The following SNX3 variants were observed in gnomAD, a reference collection of about 807,000 sequenced individuals.
The protein encoded by SNX3 is sorting nexin 3.
SNX3 carries 5 observed loss-of-function variants against 17.7 expected under a neutral mutation model. That is an observed-to-expected ratio of 0.28 (90% confidence interval 0.15 to 0.59). The LOEUF (loss-of-function observed/expected upper bound fraction) is 0.59, where lower values mean the gene tolerates loss of function less well. Ranked by LOEUF, SNX3 falls within the 20% of genes least tolerant of loss-of-function variation. The pLI is 0.88. For missense variants in SNX3, 132 were observed against 206.8 expected (o/e 0.64, Z 2.22); for synonymous variants, 91 against 76.5 (o/e 1.19, Z -0.99).
Position 108,248,692 on chromosome 6 carries a change from T to C in SNX3, c.162+12068A>G, listed in dbSNP as rs1319007031. 2.0e-5 allele frequency among the ~76,000 whole-genome samples: 3 copies of C among 152,170 alleles called. No individual in the cohort carries two copies. In the East Asian group the frequency reaches 5.8e-4, roughly 29 times the overall value. ...CTGGCCTTCTAAACTAAGACAAAAATTCTATCAATTCACTATGTTGTCCCA... is the reference window on the plus strand; with the variant it reads ...CTGGCCTTCTAAACTAAGACAAAAACTCTATCAATTCACTATGTTGTCCCA... On this transcript the variant is annotated intron_variant, in intron 1 of 3. Coordinates refer to ENST00000230085, the MANE Select transcript of SNX3 (RefSeq NM_003795.6).
At chr6:108,219,834 C>T (rs1256027053) in intron 2 of SNX3, among the ~76,000 whole-genome samples, 1 of 152,112 alleles carries the variant, frequency 6.6e-6, no homozygotes, top group Non-Finnish European at 1.5e-5. Flanking sequence ...AAGCAATATA[C>T]ACTGCATAAC....
At chr6:108,214,701 C>G in intron 2 of SNX3, 79 bp from the exon 3 acceptor site, 1 of 1,431,470 alleles carries the variant, frequency 7.0e-7, no homozygotes. Context: ...GAAGACAAAG[C>G]ATGTCCTCAC....
At chr6:108,240,415 C>CCTG (rs1298953167) in intron 1 of SNX3, among the ~76,000 whole-genome samples, 1 of 152,172 alleles carries the variant, frequency 6.6e-6, no homozygotes, top group African/African-American at 2.4e-5. Flanking sequence ...TATGGAGTTT[C>CCTG]ACCATGTTAG....
At chr6:108,219,481 G>C (rs1774688818) in intron 2 of SNX3, among the ~76,000 whole-genome samples, 1 of 152,158 alleles carries the variant, frequency 6.6e-6, no homozygotes, top group African/African-American at 2.4e-5. Context: ...GGTGGCTCAT[G>C]CCTGTAGTCC....
intron 2 of SNX3, among the ~76,000 whole-genome samples, chr6:108,215,931 A>C (rs1275520936): frequency 6.6e-6 from 1 of 152,176 alleles, no homozygotes; most frequent in African/African-American, 2.4e-5. Context: ...CGTCTTAAAA[A>C]AAAAATAAAT....
At chr6:108,213,665 A>G (rs1774476389) in intron 3 of SNX3, among the ~76,000 whole-genome samples, 1 of 152,032 alleles carries the variant, frequency 6.6e-6, no homozygotes. Flanking sequence ...AAAAAAAAAA[A>G]AAATCTAATA....
At chr6:108,256,376 T>G (rs545289316) in intron 1 of SNX3, among the ~76,000 whole-genome samples, 1 of 152,358 alleles carries the variant, frequency 6.6e-6, no homozygotes, top group East Asian at 1.9e-4. Flanking sequence ...GTAACTCAAC[T>G]AAACATTAAC....
intron 2 of SNX3, among the ~76,000 whole-genome samples, chr6:108,216,206 G>A (rs914644404): frequency 5.9e-5 from 9 of 151,996 alleles, no homozygotes; most frequent in Admixed American, 4.6e-4. Flanking sequence ...CCAAATAGCC[G>A]GGACACTACA....
At chr6:108,258,188 G>A (rs766806250) in intron 1 of SNX3, among the ~76,000 whole-genome samples, 7 of 152,072 alleles carry the variant, frequency 4.6e-5, no homozygotes, top group African/African-American at 1.7e-4. Context: ...GGCCAGGCGC[G>A]GTGGCTCATG....
chr6:108,222,535 T>A (rs1774825853), intron 2 of SNX3, among the ~76,000 whole-genome samples: 1 of 152,270 alleles, frequency 6.6e-6, no homozygotes, highest in Non-Finnish European at 1.5e-5. Flanking sequence ...TTATGAAACT[T>A]CTGTTACATG....
intron 1 of SNX3, among the ~76,000 whole-genome samples, chr6:108,225,649 A>T (rs1461147339): frequency 2.6e-5 from 4 of 152,116 alleles, no homozygotes; most frequent in African/African-American, 7.2e-5. Context: ...ACAAAACAAA[A>T]AAAAGATGCT....
intron 2 of SNX3, among the ~76,000 whole-genome samples, chr6:108,221,830 C>T (rs1239626082): frequency 2.0e-5 from 3 of 152,170 alleles, no homozygotes; most frequent in African/African-American, 7.2e-5. Context: ...CAGGCGTAAG[C>T]CACTGCACCT....
chr6:108,232,591 T>C (rs1389993330), intron 1 of SNX3, among the ~76,000 whole-genome samples: 1 of 152,122 alleles, frequency 6.6e-6, no homozygotes, highest in Non-Finnish European at 1.5e-5. Flanking sequence ...ATTAGAAAAA[T>C]GTTTACTAGG....
At chr6:108,245,464 T>C (rs1195781226) in intron 1 of SNX3, among the ~76,000 whole-genome samples, 4 of 152,236 alleles carry the variant, frequency 2.6e-5, no homozygotes, top group Admixed American at 2.6e-4. Context: ...CCTTTGGGTA[T>C]ATATCCAGTA....
intron 1 of SNX3, among the ~76,000 whole-genome samples, chr6:108,249,498 C>A (rs1262190716): frequency 1.3e-5 from 2 of 152,134 alleles, no homozygotes; most frequent in African/African-American, 2.4e-5. Context: ...GAACAGATTG[C>A]AGTCAATTTT....
chr6:108,223,023 A>T lies in SNX3; in HGVS notation c.185T>A (p.Leu62Gln), dbSNP rs756003895. ...RVKTNLPIFKLKESTVRRRYS... is the reference protein window; with the variant it reads ...RVKTNLPIFKQKESTVRRRYS... ...TCTTCTTCTAACAGTAGATTCTTTC[A>T]GCTTGAAAATAGGAAGATTTGTCTG... The change falls in exon 2 of 4, where the codon CTG becomes CAG. Residue 62 changes from leucine (L) to glutamine (Q), a missense_variant. Around this residue, in one of 2 missense-constraint regions of SNX3, gnomAD observed 78 missense variants for 88.8 expected, o/e 0.88. Coordinates refer to ENST00000230085, the MANE Select transcript of SNX3 (RefSeq NM_003795.6). 1.2e-5 allele frequency: 20 copies of T among 1,604,914 alleles called. No homozygotes were observed. The highest frequency in any genetic ancestry group is 1.7e-5 in the Admixed American group (1 of 59,640).
chr6:108,241,393 C>T (rs559330025), intron 1 of SNX3, among the ~76,000 whole-genome samples: 3 of 152,132 alleles, frequency 2.0e-5, no homozygotes, highest in East Asian at 1.9e-4. Context: ...CAGTGGCTCA[C>T]GTCTGTAATC....
At chr6:108,245,929 G>C (rs1263646440) in intron 1 of SNX3, among the ~76,000 whole-genome samples, 1 of 152,122 alleles carries the variant, frequency 6.6e-6, no homozygotes, top group Non-Finnish European at 1.5e-5. Flanking sequence ...CTTTTGCTGT[G>C]CTGAAGCTCT....
chr6:108,253,850 G>C (rs1457546150), intron 1 of SNX3, among the ~76,000 whole-genome samples: 3 of 152,122 alleles, frequency 2.0e-5, no homozygotes, highest in Admixed American at 2.0e-4. Flanking sequence ...TGCCGGCCGG[G>C]CTTGGTGGCT....
Sources: gnomAD v4.1 joint callset for allele counts (sites outside exome capture counted in the v4.1 genomes callset) on GRCh38, gnomAD v4.1.1 for gene constraint, gnomAD v4.1.1 regional missense constraint, MANE v1.5 for transcripts, NCBI Gene and HGNC (gene_info 2026-07-23, HGNC 2026-07-21) for gene names.